Variants in MYO10 observed in about 807,000 individuals in gnomAD.
The protein encoded by MYO10 is myosin X, also known as unconventional myosin-X.
MYO10 carries 133 observed loss-of-function variants against 257.3 expected under a neutral mutation model. The ratio of observed to expected loss-of-function variants is 0.52; its 90% CI spans 0.45 to 0.60. MYO10 has a LOEUF of 0.60. Among genes scored for constraint, MYO10 ranks in the 20% least tolerant of loss-of-function variants. The pLI, the probability that MYO10 is intolerant of heterozygous loss-of-function variation, is 0.00. For synonymous variants in MYO10, 1,104 were observed against 1,028.6 expected (o/e 1.07, Z -1.40); for missense variants, 2,399 against 2,635.7 (o/e 0.91, Z 1.97).
chr5:16,762,936 C>G (rs1740761166), intron 14 of MYO10, among the ~76,000 whole-genome samples: 1 of 149,560 alleles, frequency 6.7e-6, no homozygotes, highest in African/African-American at 2.5e-5. Context: ...TATACTCCAG[C>G]CTGGGCGACA....
intron 3 of MYO10, among the ~76,000 whole-genome samples, chr5:16,798,092 T>C (rs1228822107): frequency 6.6e-6 from 1 of 152,200 alleles, no homozygotes; most frequent in African/African-American, 2.4e-5. Flanking sequence ...TTTCTCATCA[T>C]GTGATGCCTC....
intron 6 of MYO10, among the ~76,000 whole-genome samples, chr5:16,781,434 A>G (rs985616533): frequency 3.3e-5 from 5 of 151,164 alleles, no homozygotes; most frequent in African/African-American, 7.3e-5. Flanking sequence ...GGGTCTTGCT[A>G]TGTTGCTCAG....
chr5:16,753,381 A>G (rs1740437210), intron 19 of MYO10, among the ~76,000 whole-genome samples: 1 of 148,648 alleles, frequency 6.7e-6, no homozygotes. Flanking sequence ...GTTAACCAGG[A>G]TGGTCTCCAT....
At chr5:16,738,995 C>A (rs1739915196) in intron 19 of MYO10, among the ~76,000 whole-genome samples, 1 of 151,068 alleles carries the variant, frequency 6.6e-6, no homozygotes, top group African/African-American at 2.4e-5. Context: ...GCAGTTTCTT[C>A]AAATAGTCAC....
Position 16,663,716 on chromosome 5 carries a change from G to A in MYO10, c.*2976C>T, listed in dbSNP as rs898483146. ...TGAGACCCTGTCTCAAATAAACAATGTTTAAAACACAGACACACACGGTAT... is the reference window on the plus strand; with the variant it reads ...TGAGACCCTGTCTCAAATAAACAATATTTAAAACACAGACACACACGGTAT... On this transcript the variant is annotated 3_prime_UTR_variant, in exon 41 of 41. Transcript: ENST00000513610. The A allele has an allele frequency of 2.0e-5, 3 of 151,996 alleles. No homozygotes were observed. Among genetic ancestry groups the A allele is most frequent in the Non-Finnish European group, 4.4e-5 (3 of 68,006 alleles). The allele number at this position is 151,996 out of a possible 1,614,324, so 9.4% of individuals were successfully genotyped here.
chr5:16,878,537 T>TTCA (rs1410946432), intron 1 of MYO10, among the ~76,000 whole-genome samples: 9 of 152,228 alleles, frequency 5.9e-5, no homozygotes, highest in Admixed American at 5.9e-4. Context: ...AAGGCTCAAT[T>TTCA]TCATCTTCCT....
Position 16,750,407 on chromosome 5 carries a change from A to G in MYO10, c.1929+4421T>C, listed in dbSNP as rs1007072922. ...AAACAATACATAGAAAACCCAAATT[A>G]AAAAAAAAAAAATTAACAACCCAAA... On this transcript the variant is annotated intron_variant, in intron 19 of 40. Coordinates refer to ENST00000513610, the MANE Select transcript of MYO10 (RefSeq NM_012334.3). Among the ~76,000 whole-genome samples the G allele has an allele frequency of 2.3e-4, 33 of 145,414 alleles. 1 individual carries two copies. The Admixed American group carries it at 2.3e-3, about 10-fold the overall frequency.
chr5:16,694,661 C>A, intron 26 of MYO10, 47 bp from the exon 27 acceptor site: 2 of 1,604,708 alleles, frequency 1.2e-6, no homozygotes, highest in South Asian at 2.2e-5. Flanking sequence ...AAAAGTCAGT[C>A]AAGTTGGATG....
intron 4 of MYO10, among the ~76,000 whole-genome samples, chr5:16,794,216 G>C (rs1560988064): frequency 6.6e-6 from 1 of 151,948 alleles, no homozygotes; most frequent in Non-Finnish European, 1.5e-5. Flanking sequence ...TTGCAGTAGA[G>C]AAAAAAGAAA....
intron 34 of MYO10, 106 bp downstream of exon 34, chr5:16,675,925 A>G (rs1184747885): frequency 5.3e-6 from 7 of 1,326,112 alleles, no homozygotes; most frequent in Admixed American, 2.6e-5. Flanking sequence ...ACGACGAATA[A>G]GAGAGTCTTT....
intron 3 of MYO10, among the ~76,000 whole-genome samples, chr5:16,806,022 C>G (rs1238305992): frequency 6.6e-6 from 1 of 152,122 alleles, no homozygotes. Context: ...TGTTGTGTAT[C>G]TTAAATACAG....
chr5:16,852,088 T>C (rs1433060148), intron 2 of MYO10, among the ~76,000 whole-genome samples: 1 of 135,642 alleles, frequency 7.4e-6, no homozygotes, highest in Non-Finnish European at 1.6e-5. Flanking sequence ...GAAGACTTAC[T>C]GATCACTGGG....
In MYO10 at chr5:16,694,394, G is replaced by A. The variant is rs1277948881; in HGVS notation, c.3777C>T (p.Gly1259=). The A allele has an allele frequency of 1.9e-6, 3 of 1,613,932 alleles. No homozygotes were observed. In the African/African-American group the frequency reaches 4.0e-5, roughly 22 times the overall value. Residue 1259 remains glycine, a synonymous_variant, in exon 27 of 41, where the codon GGC becomes GGT. Transcript: ENST00000513610. ...ACTTTGCCGTTCGCACTTCTACGGT[G>A]CCCTTGAGCTTCTCCTCGCTGTCGT... is the stretch of plus-strand genomic sequence containing the variant. The part of the protein sequence containing the change: ...FENDSEEKLK[G]TVEVRTAKEI...
In MYO10 at chr5:16,699,583, G is replaced by A; in HGVS notation, c.3433-10C>T. The stretch of plus-strand genomic sequence containing the variant: ...CTTCACTATCTTCAAACTGGACCGA[G>A]AGAGAGAAGCCAACGGTGAGGGAAA... On this transcript the variant is annotated splice_polypyrimidine_tract_variant and intron_variant, in intron 25 of 40. Coordinates refer to ENST00000513610, the MANE Select transcript of MYO10 (RefSeq NM_012334.3). 6.2e-7 allele frequency: 1 copy of A among 1,613,286 alleles called. No individual in the cohort carries two copies. Among genetic ancestry groups the A allele is most frequent in the Non-Finnish European group, 8.5e-7 (1 of 1,179,852 alleles).
At chr5:16,858,227 CG>C (rs1282124581) in intron 2 of MYO10, among the ~76,000 whole-genome samples, 1 of 152,106 alleles carries the variant, frequency 6.6e-6, no homozygotes, top group Non-Finnish European at 1.5e-5. Context: ...ATATGCTTCT[CG>C]TGAGTTTTTC....
chr5:16,725,752 A>C (rs1458903132), intron 19 of MYO10, among the ~76,000 whole-genome samples: 2 of 151,564 alleles, frequency 1.3e-5, no homozygotes, highest in Admixed American at 6.6e-5. Context: ...CATATCATAC[A>C]GCAATTACCA....
chr5:16,668,080 A>C (rs1395879325), intron 40 of MYO10, among the ~76,000 whole-genome samples, 197 bp downstream of exon 40: 11 of 152,190 alleles, frequency 7.2e-5, no homozygotes. Context: ...GCAAAAGTAT[A>C]CAAAAAAAAT....
At chr5:16,902,319 G>A in intron 1 of MYO10, 2 of 904,642 alleles carry the variant, frequency 2.2e-6, no homozygotes, top group Non-Finnish European at 3.7e-6. Context: ...TAGGGGACAT[G>A]GGGCAGCACC....
chr5:16,669,916 G>A (rs1417702068), intron 39 of MYO10, among the ~76,000 whole-genome samples: 4 of 152,138 alleles, frequency 2.6e-5, no homozygotes, highest in Non-Finnish European at 4.4e-5. Context: ...AACAGCCAGG[G>A]AATATATCTA....
Sources: allele counts gnomAD v4.1 joint callset (sites outside exome capture counted in the v4.1 genomes callset), GRCh38; gene constraint gnomAD v4.1.1; transcripts MANE v1.5; gene names NCBI Gene and HGNC (gene_info 2026-07-23, HGNC 2026-07-21).